LGR6: variants seen among roughly 807,000 people sequenced by gnomAD.
LGR6 encodes leucine rich repeat containing G protein-coupled receptor 6, also known as leucine-rich repeat-containing G protein-coupled receptor 6.
In LGR6, 45 loss-of-function variants were observed where a neutral mutation model predicts 69.4. The observed-to-expected ratio is 0.65, with a 90% CI of 0.51 to 0.83. LGR6 has a LOEUF of 0.83. Ranked by LOEUF, LGR6 falls within the 40% of genes least tolerant of loss-of-function variation. The pLI is 0.00. For missense variants in LGR6, 1,108 were observed against 1,246.7 expected (o/e 0.89, Z 1.68); for synonymous variants, 538 against 555.0 (o/e 0.97, Z 0.43).
Position 202,319,299 on chromosome 1 carries a change from A to G in LGR6, c.*92A>G, listed in dbSNP as rs889333713. 2.2e-6 allele frequency: 3 copies of G among 1,337,160 alleles called. No homozygotes were observed. The highest frequency in any genetic ancestry group is 3.0e-6 in the Non-Finnish European group (3 of 998,626). The allele number at this position is 1,337,160 out of a possible 1,614,324, so 82.8% of individuals were successfully genotyped here. On this transcript the variant is annotated 3_prime_UTR_variant, in exon 18 of 18. Coordinates refer to ENST00000367278, the MANE Select transcript of LGR6 (RefSeq NM_001017403.2). The stretch of plus-strand genomic sequence containing the variant: ...TGCTTCTAAAACAAATACAACCAAA[A>G]CTCAGCAGTGTGATCTATAGCAGGA...
chr1:202,214,136 C>A (rs759361826), intron 1 of LGR6: 1 of 1,479,888 alleles, frequency 6.8e-7, no homozygotes, highest in East Asian at 2.9e-5. Context: ...AACTGGCACT[C>A]GAGGTCCCAG....
chr1:202,280,886 G>A, intron 6 of LGR6, 34 bp downstream of exon 6: 2 of 1,584,338 alleles, frequency 1.3e-6, no homozygotes, highest in Admixed American at 1.7e-5. Flanking sequence ...ACTCTGTCCT[G>A]CCTGGTGATG....
At chr1:202,249,002 T>G (rs1662994589) in intron 4 of LGR6, among the ~76,000 whole-genome samples, 2 of 151,804 alleles carry the variant, frequency 1.3e-5, no homozygotes, top group African/African-American at 4.8e-5. Flanking sequence ...GAAAGAAACT[T>G]TCTTTGAGCA....
chr1:202,280,550 T>G (rs1351524147), intron 5 of LGR6, among the ~76,000 whole-genome samples: 1 of 152,172 alleles, frequency 6.6e-6, no homozygotes, highest in Non-Finnish European at 1.5e-5. Flanking sequence ...CCCTTTTTCC[T>G]TTAATAGGAA....
chr1:202,273,821 A>G (rs374492907), intron 4 of LGR6, among the ~76,000 whole-genome samples: 8 of 152,118 alleles, frequency 5.3e-5, no homozygotes, highest in East Asian at 3.9e-4. Context: ...CTGGACCTGC[A>G]TTCTCTTCCC....
intron 3 of LGR6, among the ~76,000 whole-genome samples, chr1:202,232,762 A>G (rs1262382320): frequency 6.6e-6 from 1 of 152,238 alleles, no homozygotes; most frequent in Non-Finnish European, 1.5e-5. Flanking sequence ...AGGGCTAGAA[A>G]AAGAAGTAGG....
At chr1:202,203,848 G>A (rs763154739) in intron 1 of LGR6, 5 of 1,613,686 alleles carry the variant, frequency 3.1e-6, no homozygotes, top group Non-Finnish European at 4.2e-6. Context: ...ACACTTGTTT[G>A]TCAAGTGTCA....
In LGR6 at chr1:202,319,077, T is replaced by C. The variant is rs1253354924; in HGVS notation, c.2774T>C (p.Phe925Ser). ...SHCVEPEGNH[F>S]GNPQPSMDGE... ...TGTGTAGAGCCAGAGGGGAACCACT[T>C]TGGGAACCCCCAACCCTCCATGGAT... is the stretch of plus-strand genomic sequence containing the variant. The change falls in exon 18 of 18, where the codon TTT becomes TCT. Residue 925 changes from phenylalanine (F) to serine (S), a missense_variant. By Grantham distance (155) the Phe-to-Ser change is radical. Transcript: ENST00000367278. The C allele has an allele frequency of 1.9e-6, 3 of 1,614,030 alleles. No individual in the cohort carries two copies. In the African/African-American group the frequency reaches 4.0e-5, roughly 22 times the overall value.
At position 202,194,001 on chromosome 1, in the gene LGR6, G is replaced by A; in HGVS notation, c.12G>A (p.Pro4=). Reference sequence around the variant, plus strand: ...GCCCGACCGCCGAGATGCCCAGCCCGCCGGGGCTCCGGGCGCTATGGCTTT... The same window carrying A: ...GCCCGACCGCCGAGATGCCCAGCCCACCGGGGCTCCGGGCGCTATGGCTTT... The part of the protein sequence containing the change: MPS[P]PGLRALWLCA... Residue 4 remains proline, a synonymous_variant, in exon 1 of 18, where the codon CCG becomes CCA. Transcript: ENST00000367278. 7.3e-6 allele frequency: 10 copies of A among 1,372,872 alleles called. No individual in the cohort carries two copies. Among genetic ancestry groups the A allele is most frequent in the South Asian group, 3.3e-5 (2 of 61,530 alleles). 85.0% of individuals were successfully genotyped at this position (1,372,872 alleles called of 1,614,324 possible).
At chr1:202,204,430 AAC>A (rs139246238) in intron 1 of LGR6, among the ~76,000 whole-genome samples, 13,455 of 60,560 alleles carry the variant, frequency 0.22, 1,783 homozygotes, top group East Asian at 0.34. Flanking sequence ...CACACCTCCA[AAC>A]ACACACACAC....
At position 202,301,312 on chromosome 1, in the gene LGR6, G is replaced by C. The variant is rs527516922; in HGVS notation, c.929+77G>C. 3.4e-5 allele frequency: 42 copies of C among 1,252,344 alleles called. No homozygotes were observed. The African/African-American group carries it at 5.6e-4, about 17-fold the overall frequency. 77.6% of individuals were successfully genotyped at this position (1,252,344 alleles called of 1,614,324 possible). A position where few individuals can be genotyped will look rare whatever the true frequency, so the allele number is the denominator to read the frequency against. ...TCCTTCTTGCTCTCTCCTGCCTATC[G>C]CCTGCGGATCTCTCCCTTGCAAGGC... On this transcript the variant is annotated intron_variant, in intron 9 of 17. Coordinates refer to ENST00000367278, the MANE Select transcript of LGR6 (RefSeq NM_001017403.2).
intron 8 of LGR6, 66 bp from the exon 9 acceptor site, chr1:202,301,098 A>G: frequency 6.8e-7 from 1 of 1,471,792 alleles, no homozygotes; most frequent in Non-Finnish European, 9.5e-7. Context: ...GAAAGCAGAG[A>G]TTGGCCTTAA....
intron 4 of LGR6, among the ~76,000 whole-genome samples, chr1:202,263,902 A>G (rs916687576): frequency 2.0e-5 from 3 of 152,196 alleles, no homozygotes; most frequent in East Asian, 1.9e-4. Flanking sequence ...ATTTCAGGGA[A>G]GGGATCTTGA....
intron 3 of LGR6, among the ~76,000 whole-genome samples, chr1:202,234,647 C>T (rs1030182655): frequency 6.6e-6 from 1 of 152,158 alleles, no homozygotes; most frequent in African/African-American, 2.4e-5. Flanking sequence ...GTTGTGTGCA[C>T]CCTCAGCATG....
intron 4 of LGR6, among the ~76,000 whole-genome samples, chr1:202,260,195 C>A (rs1004210505): frequency 1.3e-5 from 2 of 149,922 alleles, no homozygotes; most frequent in African/African-American, 4.9e-5. Flanking sequence ...TGTGTCACCA[C>A]GCCCAGTTAA....
intron 1 of LGR6, among the ~76,000 whole-genome samples, chr1:202,218,853 C>G (rs1202913464): frequency 6.6e-6 from 1 of 152,180 alleles, no homozygotes; most frequent in African/African-American, 2.4e-5. Flanking sequence ...AGTTTGTAAA[C>G]TACAAAGCGG....
intron 4 of LGR6, among the ~76,000 whole-genome samples, chr1:202,253,620 C>CTTTT (rs71141468): frequency 1.7e-4 from 9 of 52,462 alleles, no homozygotes; most frequent in East Asian, 7.8e-4. Context: ...TCCTACTATT[C>CTTTT]TTTTTTTTTT....
At chr1:202,249,106 C>T (rs978087439) in intron 4 of LGR6, among the ~76,000 whole-genome samples, 24 of 152,176 alleles carry the variant, frequency 1.6e-4, no homozygotes, top group Non-Finnish European at 2.9e-4. Context: ...CCACTGCAGC[C>T]GACTCCTGAC....
chr1:202,264,466 C>A (rs1664489132), intron 4 of LGR6, among the ~76,000 whole-genome samples: 2 of 152,236 alleles, frequency 1.3e-5, no homozygotes, highest in Admixed American at 1.3e-4. Flanking sequence ...CCACCCTTTG[C>A]CAGGGCAGGC....
Sources: allele counts gnomAD v4.1 joint callset (sites outside exome capture counted in the v4.1 genomes callset), GRCh38; gene constraint gnomAD v4.1.1; transcripts MANE v1.5; gene names NCBI Gene and HGNC (gene_info 2026-07-23, HGNC 2026-07-21).